Variants in ZC3H12B observed in about 807,000 individuals in gnomAD.
The protein encoded by ZC3H12B is probable ribonuclease ZC3H12B.
In ZC3H12B, 7 loss-of-function variants were observed where a neutral mutation model predicts 43.9. The observed-to-expected ratio is 0.16, with a 90% confidence interval of 0.09 to 0.30. ZC3H12B has a LOEUF of 0.30. ZC3H12B is among the 10% of genes least tolerant of loss of function. ZC3H12B has a pLI of 1.00. For missense variants in ZC3H12B, 475 were observed against 670.2 expected (o/e 0.71, Z 3.22); for synonymous variants, 222 against 241.7 (o/e 0.92, Z 0.76).
chrX:65,363,182 T>A (rs778075107), upstream of ZC3H12B, among the ~76,000 whole-genome samples: 9 of 111,146 alleles, frequency 8.1e-5, no homozygotes, highest in South Asian at 3.4e-3. Flanking sequence ...ATTGATAACC[T>A]TCTACTTTGT....
the ZC3H12B span, among the ~76,000 whole-genome samples, chrX:65,094,337 G>A: frequency 1.8e-5 from 2 of 109,125 alleles, no homozygotes; most frequent in South Asian, 8.2e-4. Context: ...AATACATTGG[G>A]GATGAAGATA....
chrX:65,234,466 C>A, the ZC3H12B span, among the ~76,000 whole-genome samples: 1 of 111,772 alleles, frequency 8.9e-6, no homozygotes, highest in Admixed American at 9.5e-5. Context: ...AGGATCCCCA[C>A]TTTCACCACT....
At chrX:65,092,472 A>C in the ZC3H12B span, among the ~76,000 whole-genome samples, 1 of 111,797 alleles carries the variant, frequency 8.9e-6, no homozygotes, top group African/African-American at 3.3e-5. Context: ...GGTTGTATTC[A>C]CAATGCTGAC....
At chrX:65,103,544 A>T in the ZC3H12B span, among the ~76,000 whole-genome samples, 1 of 112,176 alleles carries the variant, frequency 8.9e-6, no homozygotes, top group Non-Finnish European at 1.9e-5. Flanking sequence ...AAGTAAAGAC[A>T]GGCCTAGGAA....
At chrX:65,222,501 G>A in the ZC3H12B span, among the ~76,000 whole-genome samples, 70 of 109,235 alleles carry the variant, frequency 6.4e-4, 1 homozygote, top group African/African-American at 2.1e-3. Context: ...AAAGTTTTTC[G>A]ATACAAAATT....
intron 3 of ZC3H12B, among the ~76,000 whole-genome samples, chrX:65,456,451 C>T: frequency 1.2e-5 from 1 of 83,836 alleles, no homozygotes; most frequent in East Asian, 4.2e-4. Flanking sequence ...CTCTCCCTGT[C>T]TCCACAGTCT....
At chrX:65,330,783 A>T in the ZC3H12B span, 1 of 151,317 alleles carries the variant, frequency 6.6e-6, no homozygotes. Context: ...TAGCTTTTTG[A>T]TGTGTTGCTG....
the ZC3H12B span, among the ~76,000 whole-genome samples, chrX:65,066,386 A>G: frequency 9.0e-6 from 1 of 111,432 alleles, no homozygotes; most frequent in Admixed American, 9.5e-5. Context: ...TTTTCCTTCT[A>G]ACAGCAGGCT....
the ZC3H12B span, among the ~76,000 whole-genome samples, chrX:65,253,726 G>A: frequency 2.7e-5 from 3 of 111,807 alleles, no homozygotes; most frequent in East Asian, 2.8e-4. Context: ...CCAAGGGCCC[G>A]CATCATAGCT....
the ZC3H12B span, among the ~76,000 whole-genome samples, chrX:65,342,738 C>T: frequency 7.4e-5 from 8 of 108,312 alleles, no homozygotes; most frequent in African/African-American, 2.7e-4. Flanking sequence ...AACATCACAA[C>T]TAAAGGAACT....
At chrX:65,232,008 G>A in the ZC3H12B span, among the ~76,000 whole-genome samples, 2 of 110,286 alleles carry the variant, frequency 1.8e-5, no homozygotes, top group South Asian at 3.9e-4. Context: ...GGCTGAGGCG[G>A]GCAGAACACA....
the ZC3H12B span, among the ~76,000 whole-genome samples, chrX:65,175,202 G>A: frequency 2.7e-5 from 3 of 111,708 alleles, no homozygotes; most frequent in Non-Finnish European, 5.7e-5. Flanking sequence ...CCCTCCGTGG[G>A]CTGCACCCAC....
the ZC3H12B span, among the ~76,000 whole-genome samples, chrX:65,157,957 G>A: frequency 1.2e-5 from 1 of 83,271 alleles, no homozygotes; most frequent in Non-Finnish European, 2.3e-5. Flanking sequence ...AGAGTGTGAT[G>A]TTCCCCTTCC....
the ZC3H12B span, among the ~76,000 whole-genome samples, chrX:65,212,063 ATGTATAATATATAGTATATAT>A: frequency 3.4e-4 from 21 of 62,053 alleles, no homozygotes; most frequent in South Asian, 1.1e-3. Context: ...TATATATGTT[ATGTATAATATATAGTATATAT>A]TGTATAATAT....
At chrX:65,290,092 G>A in the ZC3H12B span, among the ~76,000 whole-genome samples, 1 of 110,394 alleles carries the variant, frequency 9.1e-6, no homozygotes, top group South Asian at 3.7e-4. Context: ...ATCTGACAGG[G>A]GACCAATATC....
At chrX:65,469,496 A>G in intron 3 of ZC3H12B, 1 of 369,164 alleles carries the variant, frequency 2.7e-6, no homozygotes, top group Non-Finnish European at 5.1e-6. Context: ...ACAAATTGGT[A>G]AAGCTGGAGG....
the ZC3H12B span, among the ~76,000 whole-genome samples, chrX:65,215,168 G>T: frequency 8.9e-6 from 1 of 111,924 alleles, no homozygotes; most frequent in Non-Finnish European, 1.9e-5. Context: ...AATGGCTTTA[G>T]AGCTTTTGGA....
At chrX:65,100,070 A>G in the ZC3H12B span, among the ~76,000 whole-genome samples, 2 of 111,999 alleles carry the variant, frequency 1.8e-5, no homozygotes, top group Admixed American at 1.9e-4. Flanking sequence ...AAAACACAGT[A>G]CGAGAACTTC....
chrX:65,136,566 C>A, the ZC3H12B span, among the ~76,000 whole-genome samples: 2 of 111,034 alleles, frequency 1.8e-5, no homozygotes, highest in African/African-American at 3.3e-5. Flanking sequence ...AGATTTTTGT[C>A]CTGCTAGACT....
Sources: allele counts gnomAD v4.1 joint callset (sites outside exome capture counted in the v4.1 genomes callset), GRCh38; gene constraint gnomAD v4.1.1; transcripts MANE v1.5; gene names NCBI Gene and HGNC (gene_info 2026-07-23, HGNC 2026-07-21).